The following PKP4 variants were observed in gnomAD, a reference collection of about 807,000 sequenced individuals.
The protein encoded by PKP4 is plakophilin-4.
PKP4 carries 90 observed loss-of-function variants against 145.1 expected under a neutral mutation model. The observed-to-expected ratio is 0.62, with a 90% CI of 0.52 to 0.74. The LOEUF (loss-of-function observed/expected upper bound fraction) is 0.74, where lower values mean the gene tolerates loss of function less well. PKP4 is among the 30% of genes least tolerant of loss of function. PKP4 has a pLI of 0.00. For synonymous variants in PKP4, 563 were observed against 577.2 expected (o/e 0.98, Z 0.35); for missense variants, 1,340 against 1,482.7 (o/e 0.90, Z 1.58).
chr2:158,678,434 A>G, intron 20 of PKP4, 147 bp from the exon 21 acceptor site: 1 of 657,464 alleles, frequency 1.5e-6, no homozygotes, highest in Middle Eastern at 2.5e-4. Flanking sequence ...AGGGACCCTG[A>G]GCTGCTACCT....
chr2:158,584,146 G>T (rs537451502), intron 3 of PKP4, among the ~76,000 whole-genome samples: 1 of 152,160 alleles, frequency 6.6e-6, no homozygotes. Flanking sequence ...CTGAGGCTCC[G>T]GCTCCGAGGC....
chr2:158,664,440 C>G (rs1191706638), intron 15 of PKP4, among the ~76,000 whole-genome samples: 1 of 152,214 alleles, frequency 6.6e-6, no homozygotes, highest in East Asian at 1.9e-4. Context: ...CAGTCCTTGT[C>G]TGAGACATTT....
chr2:158,577,365 C>T lies in PKP4; in HGVS notation c.227C>T (p.Pro76Leu). The change falls in exon 3 of 22, where the codon CCA (proline) becomes CTA (leucine). Residue 76 changes from proline to leucine, a missense_variant. Pro to Leu is a moderately conservative substitution (Grantham distance 98). Coordinates refer to ENST00000389759, the MANE Select transcript of PKP4 (RefSeq NM_003628.6). ...LERCRLGAES[P>L]SIASTSSTEK... is the part of the protein sequence containing the mutation. Reference sequence around the variant, plus strand: ...AGATGTAGGCTTGGAGCAGAATCACCAAGCATCGCCAGCACCAGGTACAGG... The same window carrying T: ...AGATGTAGGCTTGGAGCAGAATCACTAAGCATCGCCAGCACCAGGTACAGG... 6.2e-7 allele frequency: 1 copy of T among 1,611,536 alleles called. No individual in the cohort carries two copies. Among genetic ancestry groups the T allele is most frequent in the Non-Finnish European group, 8.5e-7 (1 of 1,178,238 alleles).
chr2:158,579,059 A>G (rs1160153397), intron 3 of PKP4, among the ~76,000 whole-genome samples: 9 of 151,946 alleles, frequency 5.9e-5, no homozygotes, highest in African/African-American at 2.2e-4. Context: ...CCTTTAAAGG[A>G]CCCCATGATT....
In PKP4 at chr2:158,584,732, T is replaced by C. The variant is rs190354841; in HGVS notation, c.245+7349T>C. On this transcript the variant is annotated intron_variant, in intron 3 of 21. Coordinates refer to ENST00000389759, the MANE Select transcript of PKP4 (RefSeq NM_003628.6). ...AATTGAAGATTTCATAAATGAAATA[T>C]GATCATCTTAGAATTCTAGAAACTA... Among the ~76,000 whole-genome samples, 341 of 152,338 alleles carry C rather than the reference T, an allele frequency of 2.2e-3. 2 individuals carry two copies. The highest frequency in any genetic ancestry group is 3.8e-3 in the Non-Finnish European group (259 of 68,028).
chr2:158,655,370 A>G (rs2055807277), intron 11 of PKP4, among the ~76,000 whole-genome samples: 1 of 152,176 alleles, frequency 6.6e-6, no homozygotes, highest in Non-Finnish European at 1.5e-5. Flanking sequence ...TGCCAGAAGT[A>G]GGTGTTAGAA....
intron 2 of PKP4, among the ~76,000 whole-genome samples, chr2:158,548,253 T>G (rs1383420103): frequency 6.6e-6 from 1 of 152,216 alleles, no homozygotes; most frequent in Admixed American, 6.5e-5. Context: ...ATTTTAAGAT[T>G]GGAACAGTTA....
intron 11 of PKP4, among the ~76,000 whole-genome samples, chr2:158,643,725 A>AGAG (rs1558941937): frequency 7.0e-6 from 1 of 142,960 alleles, no homozygotes; most frequent in African/African-American, 2.5e-5. Flanking sequence ...AAAAAAAAAA[A>AGAG]AAAGAAAAGA....
intron 10 of PKP4, among the ~76,000 whole-genome samples, chr2:158,641,808 T>C (rs2054310362): frequency 6.6e-6 from 1 of 152,206 alleles, no homozygotes; most frequent in Non-Finnish European, 1.5e-5. Flanking sequence ...ATTTCCTATA[T>C]TGCCTCAAGC....
At chr2:158,464,529 G>A (rs941465429) in intron 1 of PKP4, among the ~76,000 whole-genome samples, 2 of 152,188 alleles carry the variant, frequency 1.3e-5, no homozygotes, top group Non-Finnish European at 2.9e-5. Flanking sequence ...TAAAAATATT[G>A]AGGTTAGCTC....
intron 16 of PKP4, among the ~76,000 whole-genome samples, chr2:158,667,458 C>A (rs2057202958): frequency 6.6e-6 from 1 of 152,110 alleles, no homozygotes; most frequent in African/African-American, 2.4e-5. Context: ...CATGCCAAGT[C>A]CCACAGCTGG....
chr2:158,679,890 T>C (rs910783665), intron 21 of PKP4, among the ~76,000 whole-genome samples: 1 of 152,234 alleles, frequency 6.6e-6, no homozygotes, highest in Non-Finnish European at 1.5e-5. Flanking sequence ...GTGACTGTTG[T>C]TCACCTAGCC....
chr2:158,597,205 G>A (rs1043630154), intron 3 of PKP4, among the ~76,000 whole-genome samples: 6 of 152,236 alleles, frequency 3.9e-5, no homozygotes, highest in Non-Finnish European at 5.9e-5. Flanking sequence ...GAATCCATAC[G>A]ATATATGCAG....
chr2:158,497,895 A>G (rs1695972113), intron 1 of PKP4, among the ~76,000 whole-genome samples: 2 of 152,222 alleles, frequency 1.3e-5, no homozygotes, highest in South Asian at 2.1e-4. Context: ...TTCGGTATAC[A>G]GTCAAAATCT....
chr2:158,648,603 A>T (rs984485342), intron 11 of PKP4, among the ~76,000 whole-genome samples: 1 of 152,216 alleles, frequency 6.6e-6, no homozygotes, highest in South Asian at 2.1e-4. Flanking sequence ...GTTATGGGCC[A>T]CTAGGGCTGT....
At chr2:158,569,278 G>A (rs2047238937) in intron 2 of PKP4, among the ~76,000 whole-genome samples, 1 of 152,212 alleles carries the variant, frequency 6.6e-6, no homozygotes, top group East Asian at 1.9e-4. Flanking sequence ...TTGGTGGTAG[G>A]ATAAAACAAC....
In PKP4 at chr2:158,663,094, C is replaced by G; in HGVS notation, c.2403+6C>G. 6 of 1,590,404 alleles carry G rather than the reference C, an allele frequency of 3.8e-6. No homozygotes were observed. The highest frequency in any genetic ancestry group is 5.1e-6 in the Non-Finnish European group (6 of 1,169,682). ...GGACTCCGCAAGAAGATCAAGTTAG[C>G]ATTTTATTTTATATGAGACTCTCAA... On this transcript the variant is annotated splice_donor_region_variant and intron_variant, in intron 14 of 21. Transcript: ENST00000389759.
At chr2:158,651,716 C>T (rs1188678237) in intron 11 of PKP4, among the ~76,000 whole-genome samples, 1 of 151,850 alleles carries the variant, frequency 6.6e-6, no homozygotes, top group East Asian at 1.9e-4. Flanking sequence ...GGAGAAGCGG[C>T]ATGGTCTCGA....
In PKP4 at chr2:158,627,639, CA is replaced by C. The variant is rs1471347566; in HGVS notation, c.1153+2215del. On this transcript the variant is annotated intron_variant, in intron 7 of 21. Coordinates refer to ENST00000389759, the MANE Select transcript of PKP4 (RefSeq NM_003628.6). ...TTTGATGATCATAATTTAAATGATA[CA>C]AACTACAGAAATATATATATATATA... Among the ~76,000 whole-genome samples, 7 of 95,188 alleles carry C rather than the reference CA, an allele frequency of 7.4e-5. No homozygotes were observed. In the East Asian group the frequency reaches 2.7e-3, roughly 37 times the overall value. The allele number at this position is 95,188 out of a possible 152,430, so 62.4% of individuals were successfully genotyped here.
Sources: allele counts gnomAD v4.1 joint callset (sites outside exome capture counted in the v4.1 genomes callset), GRCh38; gene constraint gnomAD v4.1.1; transcripts MANE v1.5; gene names NCBI Gene and HGNC (gene_info 2026-07-23, HGNC 2026-07-21).